Variants in SHB observed in about 807,000 individuals in gnomAD.
SHB encodes SH2 domain containing adaptor protein B, also known as SH2 domain-containing adapter protein B.
A neutral mutation model predicts 52.3 loss-of-function variants in SHB; 20 were observed. The observed-to-expected ratio is 0.38, with a 90% CI of 0.27 to 0.56. The LOEUF is 0.56. Among genes scored for constraint, SHB ranks in the 20% least tolerant of loss-of-function variants. The pLI, the probability that SHB is intolerant of heterozygous loss-of-function variation, is 0.71. For missense variants in SHB, 825 were observed against 723.3 expected, an observed-to-expected ratio of 1.14 and a Z score of -1.61; for synonymous variants, 397 against 316.5, an observed-to-expected ratio of 1.25 and a Z score of -2.70.
intron 5 of SHB, among the ~76,000 whole-genome samples, chr9:37,921,084 C>T (rs34300524): frequency 6.6e-6 from 1 of 152,190 alleles, no homozygotes; most frequent in Non-Finnish European, 1.5e-5. Flanking sequence ...CTCTGCCTGC[C>T]CACTCAGTTC....
At chr9:37,951,963 A>C (rs1832572049) in intron 4 of SHB, among the ~76,000 whole-genome samples, 1 of 152,188 alleles carries the variant, frequency 6.6e-6, no homozygotes, top group East Asian at 1.9e-4. Context: ...AAGAGAATCC[A>C]GGCAGGAGGT....
At chr9:38,062,310 A>G (rs983228992) in intron 1 of SHB, among the ~76,000 whole-genome samples, 2 of 152,180 alleles carry the variant, frequency 1.3e-5, no homozygotes, top group Non-Finnish European at 2.9e-5. Context: ...CTTTATCCGG[A>G]ATATGGGGAT....
intron 2 of SHB, among the ~76,000 whole-genome samples, chr9:37,995,910 T>C (rs1453790262): frequency 6.6e-6 from 1 of 152,156 alleles, no homozygotes; most frequent in African/African-American, 2.4e-5. Flanking sequence ...GCAGGTGTCT[T>C]TGAACATCCA....
chr9:38,063,773 G>C (rs942056943), intron 1 of SHB, among the ~76,000 whole-genome samples: 1 of 148,350 alleles, frequency 6.7e-6, no homozygotes, highest in East Asian at 2.0e-4. Context: ...CTAGCAGGCA[G>C]TTTAGAAACT....
At chr9:38,009,603 C>A (rs918140474) in intron 2 of SHB, among the ~76,000 whole-genome samples, 3 of 152,220 alleles carry the variant, frequency 2.0e-5, no homozygotes, top group African/African-American at 7.2e-5. Flanking sequence ...ATTGGAACAT[C>A]GTCTTTAACA....
intron 1 of SHB, among the ~76,000 whole-genome samples, chr9:38,020,447 A>C (rs913492787): frequency 1.3e-5 from 2 of 152,090 alleles, no homozygotes; most frequent in Non-Finnish European, 2.9e-5. Flanking sequence ...TCCAGATATT[A>C]CTCTGGAATT....
chr9:38,009,426 C>G (rs1821110355), intron 2 of SHB, among the ~76,000 whole-genome samples: 1 of 152,236 alleles, frequency 6.6e-6, no homozygotes, highest in Non-Finnish European at 1.5e-5. Context: ...CCCATGACCT[C>G]TAAGAATCCT....
At chr9:37,980,224 A>C (rs920415785) in intron 2 of SHB, among the ~76,000 whole-genome samples, 10 of 152,244 alleles carry the variant, frequency 6.6e-5, no homozygotes, top group Non-Finnish European at 1.5e-4. Context: ...CCACGGCAGA[A>C]CTTCTTTCAA....
intron 2 of SHB, among the ~76,000 whole-genome samples, chr9:38,014,515 G>A (rs1821185144): frequency 6.6e-6 from 1 of 152,254 alleles, no homozygotes; most frequent in Admixed American, 6.5e-5. Flanking sequence ...GCCACTGGAG[G>A]ACAGCAGGCT....
chr9:37,977,872 T>G (rs182147543), intron 2 of SHB, among the ~76,000 whole-genome samples: 38 of 152,340 alleles, frequency 2.5e-4, no homozygotes, highest in Middle Eastern at 3.4e-3. Context: ...CACTCCCATG[T>G]ACACAGTTGA....
chr9:37,972,052 T>A (rs1335647220), intron 3 of SHB, among the ~76,000 whole-genome samples: 1 of 152,082 alleles, frequency 6.6e-6, no homozygotes, highest in Non-Finnish European at 1.5e-5. Flanking sequence ...GGACTGCACT[T>A]TGAGTAACAA....
intron 1 of SHB, among the ~76,000 whole-genome samples, chr9:38,034,701 T>G (rs1821460356): frequency 1.3e-5 from 2 of 152,306 alleles, no homozygotes; most frequent in Non-Finnish European, 2.9e-5. Flanking sequence ...GTTTGTTCAT[T>G]TGTTTGTTTT....
At chr9:37,985,583 G>C (rs1820795341) in intron 2 of SHB, among the ~76,000 whole-genome samples, 1 of 152,260 alleles carries the variant, frequency 6.6e-6, no homozygotes, top group Non-Finnish European at 1.5e-5. Flanking sequence ...CAAAAGCAGG[G>C]GGCGAGTGGG....
At chr9:37,972,515 T>C (rs10123310) in intron 3 of SHB, among the ~76,000 whole-genome samples, 85,970 of 152,020 alleles carry the variant, frequency 0.57, 24,766 homozygotes, top group East Asian at 0.77. Context: ...AAGACCAACA[T>C]CTACAGAACT....
chr9:38,031,380 G>A (rs578006815), intron 1 of SHB, among the ~76,000 whole-genome samples: 1 of 152,268 alleles, frequency 6.6e-6, no homozygotes, highest in East Asian at 1.9e-4. Flanking sequence ...CAATTTAACA[G>A]TAAAAAGGTA....
intron 2 of SHB, among the ~76,000 whole-genome samples, chr9:37,990,243 G>A: frequency 6.6e-6 from 1 of 152,168 alleles, no homozygotes; most frequent in East Asian, 1.9e-4. Flanking sequence ...ACTCTAAACT[G>A]TCAAGGGTGT....
chr9:38,009,321 C>T (rs984926629), intron 2 of SHB, among the ~76,000 whole-genome samples: 3 of 152,214 alleles, frequency 2.0e-5, no homozygotes, highest in Non-Finnish European at 4.4e-5. Context: ...GCAGGACCCT[C>T]AGGACTGTTA....
intron 1 of SHB, among the ~76,000 whole-genome samples, chr9:38,041,291 C>T (rs1251146230): frequency 6.6e-6 from 1 of 152,194 alleles, no homozygotes; most frequent in African/African-American, 2.4e-5. Context: ...GCACACGCAC[C>T]GGTGAATCCA....
intron 3 of SHB, 36 bp from the exon 4 acceptor site, chr9:37,956,090 G>A: frequency 6.5e-7 from 1 of 1,545,268 alleles, no homozygotes; most frequent in Non-Finnish European, 8.8e-7. Context: ...GGTTAGCAGA[G>A]CTCAGCCCAG....
Sources: allele counts gnomAD v4.1 joint callset (sites outside exome capture counted in the v4.1 genomes callset), GRCh38; gene constraint gnomAD v4.1.1; transcripts MANE v1.5; gene names NCBI Gene and HGNC (gene_info 2026-07-23, HGNC 2026-07-21).